The following ZEB1 variants were observed in gnomAD, a reference collection of about 807,000 sequenced individuals.
ZEB1 encodes zinc finger E-box binding homeobox 1, also known as zinc finger E-box-binding homeobox 1.
Under a neutral mutation model 84.9 loss-of-function variants are expected in ZEB1, and 21 were observed. The observed-to-expected ratio is 0.25, with a 90% CI of 0.18 to 0.36. The LOEUF (loss-of-function observed/expected upper bound fraction) is 0.36, where lower values mean the gene tolerates loss of function less well. Ranked by LOEUF, ZEB1 falls within the 10% of genes least tolerant of loss-of-function variation. ZEB1 has a pLI of 1.00. For synonymous variants in ZEB1, 420 were observed against 471.1 expected (o/e 0.89, Z 1.41); for missense variants, 1,104 against 1,330.2 (o/e 0.83, Z 2.65).
intron 1 of ZEB1, among the ~76,000 whole-genome samples, chr10:31,353,576 T>G (rs563351360): frequency 1.3e-5 from 2 of 152,352 alleles, no homozygotes; most frequent in South Asian, 4.1e-4. Context: ...AATTTGTTTA[T>G]GATCAAATTG....
intron 5 of ZEB1, among the ~76,000 whole-genome samples, chr10:31,513,715 G>A (rs921259280): frequency 1.3e-5 from 2 of 152,170 alleles, no homozygotes; most frequent in African/African-American, 2.4e-5. Flanking sequence ...CACAGTGAAG[G>A]AGTAAGAAAT....
intron 2 of ZEB1, among the ~76,000 whole-genome samples, chr10:31,487,711 A>C (rs767442132): frequency 2.0e-5 from 3 of 151,408 alleles, no homozygotes; most frequent in Non-Finnish European, 4.4e-5. Context: ...TAATCTTGAG[A>C]AGAAAGCATA....
rs776335010 is a variant in ZEB1 at position 31,363,579 on chromosome 10, T to C, written c.58+44287T>C. ...CCTGGTCTTTCACCTCTGTTGCTTC[T>C]TTGGGCTCTTCTGCGCTCACCTCCG... is the stretch of plus-strand genomic sequence containing the variant. On this transcript the variant is annotated intron_variant, in intron 1 of 8. Transcript: ENST00000424869. The C allele has an allele frequency of 5.2e-6, 8 of 1,525,672 alleles. 1 individual carries two copies. 94.5% of individuals were successfully genotyped at this position (1,525,672 alleles called of 1,614,324 possible).
rs528720787 is a variant in ZEB1, at chr10:31,417,890, G to T, written c.59-43147G>T. Reference sequence around the variant, plus strand: ...AAAAGACAGTCTATTCTCTCAGCCTGCTTATAGTCTAGTGGGAAAGATAGG... The same window carrying T: ...AAAAGACAGTCTATTCTCTCAGCCTTCTTATAGTCTAGTGGGAAAGATAGG... On this transcript the variant is annotated intron_variant, in intron 1 of 8. Transcript: ENST00000424869. Among the ~76,000 whole-genome samples, 28 of 152,116 alleles carry T rather than the reference G, an allele frequency of 1.8e-4. No individual in the cohort carries two copies. In the South Asian group the frequency reaches 3.1e-3, roughly 17 times the overall value.
intron 1 of ZEB1, among the ~76,000 whole-genome samples, chr10:31,371,870 C>CT (rs1486812373): frequency 2.0e-5 from 3 of 152,104 alleles, no homozygotes; most frequent in African/African-American, 7.2e-5. Flanking sequence ...AAGCTCTAGG[C>CT]TTTGTTTCTG....
At position 31,319,466 on chromosome 10, in the gene ZEB1, G is replaced by A. The variant is rs1044020523; in HGVS notation, c.58+174G>A. The A allele has an allele frequency of 5.2e-5, 34 of 650,570 alleles. 1 individual carries two copies. The highest frequency in any genetic ancestry group is 4.2e-4 in the South Asian group (22 of 52,686). The allele number at this position is 650,570 out of a possible 1,614,324, so 40.3% of individuals were successfully genotyped here. A position where few individuals can be genotyped will look rare whatever the true frequency, so the allele number is the denominator to read the frequency against. On this transcript the variant is annotated intron_variant, in intron 1 of 8. Coordinates refer to ENST00000424869, the MANE Select transcript of ZEB1 (RefSeq NM_001174096.2). ...GCCCCCCTCCGCTGCCGCCGCTGCC[G>A]GAGCCGCGCCGCGGCCGCTCGCTCT... is the stretch of plus-strand genomic sequence containing the variant.
At chr10:31,393,256 T>G (rs1047445221) in intron 1 of ZEB1, among the ~76,000 whole-genome samples, 1 of 152,182 alleles carries the variant, frequency 6.6e-6, no homozygotes, top group African/African-American at 2.4e-5. Context: ...TTGGTTTTGT[T>G]TTTATTCCTT....
chr10:31,460,103 A>G (rs1472705858), intron 1 of ZEB1, among the ~76,000 whole-genome samples: 2 of 151,988 alleles, frequency 1.3e-5, no homozygotes, highest in Non-Finnish European at 2.9e-5. Context: ...ACCATACCCA[A>G]TGAAGTACTA....
At position 31,387,865 on chromosome 10, in the gene ZEB1, T is replaced by C. The variant is rs1056897689; in HGVS notation, c.58+68573T>C. The C allele has an allele frequency of 4.1e-5, 28 of 678,404 alleles. No individual in the cohort carries two copies. The African/African-American group carries it at 5.1e-4, about 12-fold the overall frequency. 42.0% of individuals were successfully genotyped at this position (678,404 alleles called of 1,614,324 possible). A position where few individuals can be genotyped will look rare whatever the true frequency, so the allele number is the denominator to read the frequency against. On this transcript the variant is annotated intron_variant, in intron 1 of 8. Transcript: ENST00000424869. ...AAATATTACTTAAAACTTGAAAAAA[T>C]TACTTAAAATTGGCAATTTCTTTTT... is the stretch of plus-strand genomic sequence containing the variant.
intron 1 of ZEB1, among the ~76,000 whole-genome samples, chr10:31,445,393 T>A (rs1455555618): frequency 1.3e-5 from 2 of 148,304 alleles, no homozygotes; most frequent in East Asian, 3.9e-4. Flanking sequence ...TTTTCCTAAT[T>A]GAATACCCTT....
In ZEB1 at chr10:31,489,065, A is replaced by G. The variant is rs1403656000; in HGVS notation, c.260-6711A>G. On this transcript the variant is annotated intron_variant, in intron 2 of 8. Coordinates refer to ENST00000424869, the MANE Select transcript of ZEB1 (RefSeq NM_001174096.2). ...TTCTGTCAGTTAATGCAAGAGGAGTATTAGAAGCCTGCAAGAATATTGTAG... is the reference window on the plus strand; with the variant it reads ...TTCTGTCAGTTAATGCAAGAGGAGTGTTAGAAGCCTGCAAGAATATTGTAG... Among the ~76,000 whole-genome samples the G allele has an allele frequency of 6.6e-5, 10 of 151,430 alleles. No individual in the cohort carries two copies. The East Asian group carries it at 1.2e-3, about 18-fold the overall frequency.
chr10:31,496,375 G>C (rs1198003161), intron 3 of ZEB1, among the ~76,000 whole-genome samples: 1 of 151,972 alleles, frequency 6.6e-6, no homozygotes, highest in Non-Finnish European at 1.5e-5. Context: ...GTAAAATGAA[G>C]TTGAATTATA....
chr10:31,424,840 C>A (rs1382610604), intron 1 of ZEB1, among the ~76,000 whole-genome samples: 1 of 151,824 alleles, frequency 6.6e-6, no homozygotes, highest in Non-Finnish European at 1.5e-5. Context: ...TATTTTATTG[C>A]CTTATTTTAC....
chr10:31,473,563 TACAA>T (rs1366070999), intron 2 of ZEB1, among the ~76,000 whole-genome samples: 4 of 150,620 alleles, frequency 2.7e-5, no homozygotes, highest in African/African-American at 4.9e-5. Flanking sequence ...TAAAAGAGGA[TACAA>T]ACAAATGGAA....
intron 1 of ZEB1, among the ~76,000 whole-genome samples, chr10:31,451,541 T>A (rs1415991649): frequency 6.6e-6 from 1 of 152,232 alleles, no homozygotes; most frequent in Non-Finnish European, 1.5e-5. Context: ...AGCATCCTTT[T>A]ATAAATGCAG....
At chr10:31,461,013 A>G in intron 1 of ZEB1, 24 bp from the exon 2 acceptor site, 1 of 1,594,900 alleles carries the variant, frequency 6.3e-7, no homozygotes, top group Non-Finnish European at 8.6e-7. Context: ...GGTTTTGATT[A>G]TTTGTTTCTT....
chr10:31,370,165 T>G (rs1273437682), intron 1 of ZEB1, among the ~76,000 whole-genome samples: 1 of 152,226 alleles, frequency 6.6e-6, no homozygotes, highest in African/African-American at 2.4e-5. Flanking sequence ...TTTACAAATT[T>G]CCTGAACTTC....
rs1279293334 is a variant in ZEB1, at chr10:31,486,340, T to C, written c.260-9436T>C. Among the ~76,000 whole-genome samples, 6 of 151,754 alleles carry C rather than the reference T, an allele frequency of 4.0e-5. No homozygotes were observed. The South Asian group carries it at 1.2e-3, about 31-fold the overall frequency. Reference sequence around the variant, plus strand: ...CAGAGTGGTTGTACCATCCCACCAGTAATAAATAAGAGATGATCCACTTTC... The same window carrying C: ...CAGAGTGGTTGTACCATCCCACCAGCAATAAATAAGAGATGATCCACTTTC... On this transcript the variant is annotated intron_variant, in intron 2 of 8. Coordinates refer to ENST00000424869, the MANE Select transcript of ZEB1 (RefSeq NM_001174096.2).
In ZEB1 at chr10:31,522,943, T is replaced by C. The variant is rs141643032; in HGVS notation, c.2605-990T>C. Reference sequence around the variant, plus strand: ...TTTTTAGTGTACAGAACACTTTGCATGCCTTTGAATAGAAAAAGAGCCATC... The same window carrying C: ...TTTTTAGTGTACAGAACACTTTGCACGCCTTTGAATAGAAAAAGAGCCATC... On this transcript the variant is annotated intron_variant, in intron 7 of 8. Transcript: ENST00000424869. Among the ~76,000 whole-genome samples the C allele has an allele frequency of 4.6e-5, 7 of 152,342 alleles. No individual in the cohort carries two copies. The East Asian group carries it at 1.3e-3, about 29-fold the overall frequency.
Sources: allele counts gnomAD v4.1 joint callset (sites outside exome capture counted in the v4.1 genomes callset), GRCh38; gene constraint gnomAD v4.1.1; transcripts MANE v1.5; gene names NCBI Gene and HGNC (gene_info 2026-07-23, HGNC 2026-07-21).